The following ABCA10 variants were observed in gnomAD, a reference collection of about 807,000 sequenced individuals.
ABCA10 encodes ATP binding cassette subfamily A member 10, also known as ATP-binding cassette sub-family A member 10.
In ABCA10, 169 loss-of-function variants were observed where a neutral mutation model predicts 187.5. The observed-to-expected ratio is 0.90, with a 90% CI of 0.80 to 1.02. The LOEUF is 1.02. Among genes scored for constraint, ABCA10 ranks in the 50% least tolerant of loss-of-function variants. ABCA10 has a pLI of 0.00. For missense variants in ABCA10, 1,727 were observed against 1,812.4 expected (o/e 0.95, Z 0.86); for synonymous variants, 574 against 601.8 (o/e 0.95, Z 0.68).
chr17:69,195,114 G>A lies in ABCA10; in HGVS notation c.1235-619C>T, dbSNP rs561836185. On this transcript the variant is annotated intron_variant, in intron 11 of 38. Coordinates refer to ENST00000690296, the MANE Select transcript of ABCA10 (RefSeq NM_001377321.1). ...CTTGACAACTTTTTCTTTAATGTTTGAAAACTTAACTCCACCGGAAAATAA... is the reference window on the plus strand; with the variant it reads ...CTTGACAACTTTTTCTTTAATGTTTAAAAACTTAACTCCACCGGAAAATAA... Among the ~76,000 whole-genome samples the A allele has an allele frequency of 1.8e-3, 278 of 152,208 alleles. 2 individuals are homozygous for A. The highest frequency in any genetic ancestry group is 6.3e-3 in the African/African-American group (263 of 41,548).
chr17:69,161,504 A>C (rs373229768), intron 27 of ABCA10, among the ~76,000 whole-genome samples: 11 of 152,234 alleles, frequency 7.2e-5, no homozygotes, highest in African/African-American at 2.7e-4. Context: ...ATAGGTAAAT[A>C]GCCATGAAGT....
At chr17:69,223,357 A>C (rs749049448) in intron 3 of ABCA10, among the ~76,000 whole-genome samples, 13 of 152,208 alleles carry the variant, frequency 8.5e-5, no homozygotes, top group Non-Finnish European at 1.5e-4. Flanking sequence ...GTCTACCTAC[A>C]GATTCTCTGA....
chr17:69,170,754 A>G (rs202157879), intron 25 of ABCA10, among the ~76,000 whole-genome samples: 5 of 76,346 alleles, frequency 6.5e-5, no homozygotes, highest in African/African-American at 1.9e-4. Context: ...GTTTCAAGGG[A>G]AAAAAAAAAA....
chr17:69,150,332 G>A (rs1378984978), intron 36 of ABCA10: 5 of 297,042 alleles, frequency 1.7e-5, no homozygotes, highest in Non-Finnish European at 2.5e-5. Flanking sequence ...CTTTGTTATT[G>A]TGCTATATTT....
intron 36 of ABCA10, 141 bp downstream of exon 36, chr17:69,151,902 C>G: frequency 7.6e-7 from 1 of 1,312,320 alleles, no homozygotes; most frequent in Non-Finnish European, 1.0e-6. Context: ...TGTAACGCAT[C>G]CTAGCAATCC....
chr17:69,159,704 C>A (rs1285790435), intron 27 of ABCA10, among the ~76,000 whole-genome samples: 1 of 152,070 alleles, frequency 6.6e-6, no homozygotes, highest in East Asian at 1.9e-4. Flanking sequence ...AAAATAAAAT[C>A]ATTCCCAAGT....
intron 27 of ABCA10, among the ~76,000 whole-genome samples, chr17:69,161,035 A>T (rs1421307700): frequency 6.6e-6 from 1 of 152,220 alleles, no homozygotes; most frequent in Non-Finnish European, 1.5e-5. Flanking sequence ...GATTTTTTAA[A>T]TTATGGTATA....
chr17:69,154,058 C>G, intron 31 of ABCA10, 49 bp from the exon 32 acceptor site: 1 of 1,585,528 alleles, frequency 6.3e-7, no homozygotes, highest in Non-Finnish European at 8.6e-7. Context: ...TTGCTCCAAT[C>G]CCCCTTCTAC....
At chr17:69,165,422 C>T (rs1300579648) in intron 25 of ABCA10, among the ~76,000 whole-genome samples, 1 of 152,082 alleles carries the variant, frequency 6.6e-6, no homozygotes, top group Non-Finnish European at 1.5e-5. Flanking sequence ...GAAGAATTAA[C>T]TGATGATATG....
rs576357865 is a variant in ABCA10, at chr17:69,216,227, C to T, written c.662G>A (p.Gly221Asp). The change falls in exon 7 of 39, where the codon GGC becomes GAC. Residue 221 changes from glycine (G) to aspartate (D), a missense_variant. By Grantham distance (94) the Gly-to-Asp change is moderately conservative (BLOSUM62 -1). Coordinates refer to ENST00000690296, the MANE Select transcript of ABCA10 (RefSeq NM_001377321.1). The stretch of plus-strand genomic sequence containing the variant: ...CTTTTACCAACTCACCAAAGAAAGG[C>T]CATATAAGCTATAGAGTGTGAATAT... ...MVIFTLYSLY[G>D]LSLIALAFLM... is the part of the protein sequence containing the mutation. 6.2e-7 allele frequency: 1 copy of T among 1,606,716 alleles called. No individual in the cohort carries two copies. Among genetic ancestry groups the T allele is most frequent in the Non-Finnish European group, 8.5e-7 (1 of 1,176,526 alleles).
rs762314439 is a variant in ABCA10 at position 69,191,365 on chromosome 17, C to A, written c.1872-50G>T. Reference sequence around the variant, plus strand: ...TCTCTTGAATTCTTTTCCAACACCACCACTCATGAAAAGATAGTTTTCTAT... The same window carrying A: ...TCTCTTGAATTCTTTTCCAACACCAACACTCATGAAAAGATAGTTTTCTAT... On this transcript the variant is annotated intron_variant, in intron 16 of 38. Transcript: ENST00000690296. 5 of 1,443,858 alleles carry A rather than the reference C, an allele frequency of 3.5e-6. No individual in the cohort carries two copies. The South Asian group carries it at 8.1e-5, about 23-fold the overall frequency. 89.4% of individuals were successfully genotyped at this position (1,443,858 alleles called of 1,614,324 possible).
intron 37 of ABCA10, among the ~76,000 whole-genome samples, chr17:69,149,513 G>A (rs2074112781): frequency 6.6e-6 from 1 of 152,102 alleles, no homozygotes; most frequent in Non-Finnish European, 1.5e-5. Context: ...CTCTTCAATA[G>A]TGACTTGTTA....
intron 3 of ABCA10, among the ~76,000 whole-genome samples, chr17:69,224,444 G>C (rs1341986708): frequency 1.3e-5 from 2 of 152,088 alleles, no homozygotes; most frequent in African/African-American, 4.8e-5. Flanking sequence ...ATTTTATCCT[G>C]ATACTTTCCC....
intron 22 of ABCA10, among the ~76,000 whole-genome samples, chr17:69,176,151 G>A (rs764519425): frequency 2.6e-5 from 4 of 152,138 alleles, no homozygotes; most frequent in Non-Finnish European, 5.9e-5. Context: ...GGGAGCTACA[G>A]TTATCATATC....
intron 37 of ABCA10, among the ~76,000 whole-genome samples, chr17:69,149,678 T>A (rs538505389): frequency 2.6e-5 from 4 of 152,248 alleles, no homozygotes; most frequent in South Asian, 2.1e-4. Flanking sequence ...ATAATTATCC[T>A]TCAATTCTAT....
At chr17:69,200,484 C>T (rs945603930) in intron 10 of ABCA10, among the ~76,000 whole-genome samples, 2 of 152,054 alleles carry the variant, frequency 1.3e-5, no homozygotes, top group Non-Finnish European at 2.9e-5. Flanking sequence ...GCCCAAAAAT[C>T]TTGAATAAAA....
chr17:69,231,965 T>C (rs570279425), upstream of ABCA10, among the ~76,000 whole-genome samples: 1 of 152,270 alleles, frequency 6.6e-6, no homozygotes, highest in South Asian at 2.1e-4. Flanking sequence ...AATTATTATA[T>C]CCTGTTGCTG....
chr17:69,211,304 TCATATATATGA>T (rs2074648419), intron 9 of ABCA10, among the ~76,000 whole-genome samples: 2 of 57,488 alleles, frequency 3.5e-5, no homozygotes, highest in Non-Finnish European at 9.8e-5. Flanking sequence ...TATATATACA[TCATATATATGA>T]TATATATATA....
At position 69,192,672 on chromosome 17, in the gene ABCA10, T is replaced by A. The variant is rs1357632771; in HGVS notation, c.1781-19A>T. ...TTCCTATCTGAGTAGAAAGGAAGAT[T>A]CAAAAAATTATGTGAAGAGTAATTC... On this transcript the variant is annotated intron_variant, in intron 15 of 38. Coordinates refer to ENST00000690296, the MANE Select transcript of ABCA10 (RefSeq NM_001377321.1). 1 of 1,585,606 alleles carries A rather than the reference T, an allele frequency of 6.3e-7. No individual in the cohort carries two copies. The highest frequency in any genetic ancestry group is 1.1e-5 in the South Asian group (1 of 89,506).
Sources: allele counts gnomAD v4.1 joint callset (sites outside exome capture counted in the v4.1 genomes callset), GRCh38; gene constraint gnomAD v4.1.1; transcripts MANE v1.5; gene names NCBI Gene and HGNC (gene_info 2026-07-23, HGNC 2026-07-21).